The following EXOC6B variants were observed in gnomAD, a reference collection of about 807,000 sequenced individuals.
The protein encoded by EXOC6B is SEC15 homolog B.
A neutral mutation model predicts 113.5 loss-of-function variants in EXOC6B; 54 were observed. The observed-to-expected ratio is 0.48, with a 90% CI of 0.38 to 0.60. The LOEUF (loss-of-function observed/expected upper bound fraction) is 0.60, where lower values mean the gene tolerates loss of function less well. EXOC6B is among the 20% of genes least tolerant of loss of function. EXOC6B has a pLI of 0.00. For missense variants in EXOC6B, 797 were observed against 977.5 expected (o/e 0.82, Z 2.46); for synonymous variants, 357 against 339.0 (o/e 1.05, Z -0.58).
intron 19 of EXOC6B, among the ~76,000 whole-genome samples, chr2:72,346,004 T>C (rs1415728343): frequency 6.6e-6 from 1 of 152,048 alleles, no homozygotes; most frequent in African/African-American, 2.4e-5. Context: ...AAAATTAAAG[T>C]CTGCTAAAAA....
rs1007587313 is a variant in EXOC6B, at chr2:72,413,253, G to A, written c.1981-33383C>T. On this transcript the variant is annotated intron_variant, in intron 18 of 21. Coordinates refer to ENST00000272427, the MANE Select transcript of EXOC6B (RefSeq NM_015189.3). ...TGGGATTACAGGCGTGAACCACTGC[G>A]CCCAGCCCAGAAGTCCTTAAACTTT... Among the ~76,000 whole-genome samples the A allele has an allele frequency of 2.6e-5, 4 of 151,882 alleles. No individual in the cohort carries two copies. The East Asian group carries it at 7.8e-4, about 30-fold the overall frequency.
intron 18 of EXOC6B, among the ~76,000 whole-genome samples, chr2:72,404,926 T>A (rs1693618947): frequency 6.6e-6 from 1 of 151,458 alleles, no homozygotes; most frequent in Admixed American, 6.6e-5. Flanking sequence ...AAGGAGGAAG[T>A]TTCAACCCAT....
At chr2:72,698,267 G>A (rs935964013) in intron 6 of EXOC6B, among the ~76,000 whole-genome samples, 32 of 152,184 alleles carry the variant, frequency 2.1e-4, no homozygotes, top group Non-Finnish European at 1.9e-4. Context: ...TGGAATTAAA[G>A]CAATAAAGAA....
chr2:72,418,505 T>G (rs1460102252), intron 18 of EXOC6B, among the ~76,000 whole-genome samples: 2 of 152,228 alleles, frequency 1.3e-5, no homozygotes, highest in African/African-American at 4.8e-5. Flanking sequence ...TGTTAGCAGA[T>G]GCATAAGCAT....
At chr2:72,799,703 A>C (rs1573817033) in intron 1 of EXOC6B, among the ~76,000 whole-genome samples, 1 of 152,364 alleles carries the variant, frequency 6.6e-6, no homozygotes, top group East Asian at 1.9e-4. Context: ...AGGAAAACCA[A>C]AACAAAACAC....
chr2:72,401,076 T>TTA (rs933931680), intron 18 of EXOC6B, among the ~76,000 whole-genome samples: 117 of 150,968 alleles, frequency 7.7e-4, no homozygotes, highest in East Asian at 4.1e-3. Flanking sequence ...CAAAGAAATG[T>TTA]TATATATATA....
At chr2:72,590,524 A>T (rs572905286) in intron 6 of EXOC6B, among the ~76,000 whole-genome samples, 1 of 152,166 alleles carries the variant, frequency 6.6e-6, no homozygotes, top group African/African-American at 2.4e-5. Flanking sequence ...TCTAAAGCCT[A>T]GCTTTGTCCA....
At chr2:72,375,214 A>G (rs1293645586) in intron 19 of EXOC6B, among the ~76,000 whole-genome samples, 2 of 152,296 alleles carry the variant, frequency 1.3e-5, no homozygotes, top group East Asian at 1.9e-4. Context: ...ATTGATAAAT[A>G]TAACTGGAGA....
intron 21 of EXOC6B, among the ~76,000 whole-genome samples, chr2:72,182,677 C>T (rs1678167420): frequency 6.6e-6 from 1 of 152,128 alleles, no homozygotes; most frequent in Non-Finnish European, 1.5e-5. Context: ...CCGCCACTCC[C>T]AGCCCCAAAG....
At chr2:72,244,914 C>T (rs1682555481) in intron 20 of EXOC6B, among the ~76,000 whole-genome samples, 1 of 151,900 alleles carries the variant, frequency 6.6e-6, no homozygotes, top group Non-Finnish European at 1.5e-5. Context: ...AAATGAAATA[C>T]TTAGGTATAA....
chr2:72,698,649 C>G (rs936639554), intron 6 of EXOC6B, among the ~76,000 whole-genome samples: 3 of 152,306 alleles, frequency 2.0e-5, no homozygotes, highest in African/African-American at 7.2e-5. Context: ...GAAGTTATAG[C>G]TAAACCAACG....
intron 6 of EXOC6B, among the ~76,000 whole-genome samples, chr2:72,626,207 CA>C (rs1311062781): frequency 2.6e-5 from 4 of 152,054 alleles, no homozygotes; most frequent in African/African-American, 2.4e-5. Context: ...TAGATGAACT[CA>C]CATTCAACAA....
At chr2:72,218,294 T>G (rs1202933023) in intron 20 of EXOC6B, among the ~76,000 whole-genome samples, 1 of 152,232 alleles carries the variant, frequency 6.6e-6, no homozygotes, top group Non-Finnish European at 1.5e-5. Flanking sequence ...CTACAAAACT[T>G]TAATCCTAAG....
chr2:72,757,059 A>G (rs935129712), intron 1 of EXOC6B, among the ~76,000 whole-genome samples: 1 of 152,200 alleles, frequency 6.6e-6, no homozygotes, highest in Admixed American at 6.5e-5. Flanking sequence ...TACTTTATCT[A>G]TTACTTAAAT....
intron 20 of EXOC6B, among the ~76,000 whole-genome samples, chr2:72,230,398 C>CT (rs1681543125): frequency 1.3e-5 from 2 of 152,254 alleles, no homozygotes; most frequent in African/African-American, 4.8e-5. Context: ...TGAATGATGT[C>CT]TTTAAGTATT....
intron 20 of EXOC6B, among the ~76,000 whole-genome samples, chr2:72,272,907 A>G (rs1043068822): frequency 1.3e-5 from 2 of 152,286 alleles, no homozygotes; most frequent in African/African-American, 2.4e-5. Context: ...TTTAGGTCAA[A>G]AATATTGCAG....
intron 18 of EXOC6B, among the ~76,000 whole-genome samples, chr2:72,403,894 C>T (rs1347210940): frequency 6.6e-6 from 1 of 152,018 alleles, no homozygotes; most frequent in Non-Finnish European, 1.5e-5. Flanking sequence ...CCGAGCATGA[C>T]CCGAAGCAGG....
At chr2:72,799,904 A>G (rs1685188478) in intron 1 of EXOC6B, among the ~76,000 whole-genome samples, 1 of 152,028 alleles carries the variant, frequency 6.6e-6, no homozygotes, top group Non-Finnish European at 1.5e-5. Context: ...ATCTCTACAA[A>G]AAATACAAAA....
intron 20 of EXOC6B, among the ~76,000 whole-genome samples, chr2:72,186,774 C>A (rs1678460038): frequency 6.6e-6 from 1 of 152,176 alleles, no homozygotes; most frequent in African/African-American, 2.4e-5. Flanking sequence ...ATTGCTAATA[C>A]TACCATGTAT....
Sources: allele counts gnomAD v4.1 joint callset (sites outside exome capture counted in the v4.1 genomes callset), GRCh38; gene constraint gnomAD v4.1.1; transcripts MANE v1.5; gene names NCBI Gene and HGNC (gene_info 2026-07-23, HGNC 2026-07-21).